Variants in OSTM1 observed in about 807,000 individuals in gnomAD.
The protein encoded by OSTM1 is osteoclastogenesis associated transmembrane protein 1, also known as osteopetrosis-associated transmembrane protein 1.
A neutral mutation model predicts 35.4 loss-of-function variants in OSTM1; 26 were observed. The observed-to-expected ratio is 0.73, with a 90% CI of 0.54 to 1.02. The LOEUF (loss-of-function observed/expected upper bound fraction) is 1.02, where lower values mean the gene tolerates loss of function less well. OSTM1 is among the 50% of genes least tolerant of loss of function. The pLI is 0.00. For missense variants in OSTM1, 366 were observed against 409.6 expected, an observed-to-expected ratio of 0.89 and a Z score of 0.92; for synonymous variants, 181 against 165.0, an observed-to-expected ratio of 1.10 and a Z score of -0.75.
intron 2 of OSTM1, 105 bp from the exon 3 acceptor site, chr6:108,054,692 T>G (rs1437255140): frequency 9.1e-6 from 5 of 547,332 alleles, no homozygotes; most frequent in Non-Finnish European, 1.6e-5. Flanking sequence ...CAGTAATTCT[T>G]TATTCAAACA....
At chr6:108,058,511 G>T (rs1416494880) in intron 2 of OSTM1, among the ~76,000 whole-genome samples, 1 of 131,314 alleles carries the variant, frequency 7.6e-6, no homozygotes, top group Admixed American at 7.8e-5. Flanking sequence ...GTTTTGGGCC[G>T]GGCGCAGTGG....
At chr6:108,062,706 T>G (rs1324791780) in intron 2 of OSTM1, among the ~76,000 whole-genome samples, 1 of 152,086 alleles carries the variant, frequency 6.6e-6, no homozygotes, top group African/African-American at 2.4e-5. Context: ...TTTTTTATTT[T>G]TTGTTGAGAC....
At chr6:108,048,073 A>G (rs188464830) in intron 5 of OSTM1, among the ~76,000 whole-genome samples, 1 of 152,048 alleles carries the variant, frequency 6.6e-6, no homozygotes, top group Admixed American at 6.5e-5. Flanking sequence ...CATGACAAAG[A>G]CTCTCCCCTC....
chr6:108,066,041 A>C (rs1327633134), intron 1 of OSTM1, among the ~76,000 whole-genome samples: 2 of 152,206 alleles, frequency 1.3e-5, no homozygotes, highest in African/African-American at 2.4e-5. Flanking sequence ...AGTGATAATG[A>C]TTATGTGGTA....
chr6:108,069,442 C>T (rs1772443544), intron 1 of OSTM1, among the ~76,000 whole-genome samples: 1 of 152,046 alleles, frequency 6.6e-6, no homozygotes, highest in Non-Finnish European at 1.5e-5. Flanking sequence ...ATACATAACC[C>T]AAATGACTAG....
Position 108,074,676 on chromosome 6 carries a change from GC to G in OSTM1, c.-26del. On this transcript the variant is annotated 5_prime_UTR_variant, in exon 1 of 6. Coordinates refer to ENST00000193322, the MANE Select transcript of OSTM1 (RefSeq NM_014028.4). ...TCACCGGGCTCACACACCCCAGGGA[GC>G]CCACCGCCGCCTCTCCGCCCCCAGC... The G allele has an allele frequency of 6.6e-7, 1 of 1,510,708 alleles. No individual in the cohort carries two copies. The allele number at this position is 1,510,708 out of a possible 1,614,324, so 93.6% of individuals were successfully genotyped here. A position where few individuals can be genotyped will look rare whatever the true frequency, so the allele number is the denominator to read the frequency against.
At chr6:108,073,840 G>C (rs962997374) in intron 1 of OSTM1, 4 of 209,582 alleles carry the variant, frequency 1.9e-5, no homozygotes, top group African/African-American at 9.3e-5. Flanking sequence ...TTAGAAGTTG[G>C]TGGACATGAA....
rs1771905047 is a variant in OSTM1 at position 108,043,370 on chromosome 6, C to A, written c.*1415G>T. The A allele has an allele frequency of 1.3e-5, 2 of 152,070 alleles. No homozygotes were observed. Among genetic ancestry groups the A allele is most frequent in the South Asian group, 4.1e-4 (2 of 4,820 alleles). 9.4% of individuals were successfully genotyped at this position (152,070 alleles called of 1,614,324 possible). Reference sequence around the variant, plus strand: ...TTTGAGTATGTTATACATCCAAGAGCCTTATATTTCACTCCACATAAACAG... The same window carrying A: ...TTTGAGTATGTTATACATCCAAGAGACTTATATTTCACTCCACATAAACAG... On this transcript the variant is annotated 3_prime_UTR_variant, in exon 6 of 6. Transcript: ENST00000193322.
intron 2 of OSTM1, among the ~76,000 whole-genome samples, chr6:108,060,515 C>T (rs998420689): frequency 3.3e-5 from 5 of 152,184 alleles, no homozygotes; most frequent in Admixed American, 2.6e-4. Flanking sequence ...TCTAGGAATC[C>T]GAGACCAGCC....
chr6:108,063,297 G>A (rs931234527), intron 2 of OSTM1, among the ~76,000 whole-genome samples: 5 of 152,184 alleles, frequency 3.3e-5, no homozygotes, highest in African/African-American at 4.8e-5. Context: ...GATTACAGGC[G>A]TGAGCCGCCT....
chr6:108,066,560 T>A (rs1180171467), intron 1 of OSTM1, among the ~76,000 whole-genome samples: 7 of 152,126 alleles, frequency 4.6e-5, no homozygotes, highest in Non-Finnish European at 2.9e-5. Flanking sequence ...CTGAGAGAAC[T>A]GGAGGTACAT....
chr6:108,069,488 G>T (rs1027154993), intron 1 of OSTM1, among the ~76,000 whole-genome samples: 1 of 151,976 alleles, frequency 6.6e-6, no homozygotes, highest in East Asian at 1.9e-4. Context: ...TAGATAGATA[G>T]AGATAGATAG....
intron 4 of OSTM1, among the ~76,000 whole-genome samples, chr6:108,050,407 A>T (rs1772056365): frequency 8.4e-6 from 1 of 118,600 alleles, no homozygotes; most frequent in African/African-American, 3.3e-5. Flanking sequence ...TCTGTCGCCC[A>T]GGCTGGAGTG....
intron 1 of OSTM1, among the ~76,000 whole-genome samples, chr6:108,065,382 GGCACA>G (rs1250200406): frequency 1.8e-4 from 28 of 151,768 alleles, no homozygotes; most frequent in African/African-American, 6.8e-4. Flanking sequence ...TGGGACTACA[GGCACA>G]TGCCACCATG....
chr6:108,067,548 T>C (rs1276423780), intron 1 of OSTM1, among the ~76,000 whole-genome samples: 1 of 149,462 alleles, frequency 6.7e-6, no homozygotes, highest in Admixed American at 6.8e-5. Context: ...TGATAGAAAG[T>C]CAGCCTGGCA....
chr6:108,049,436 A>G lies in OSTM1; in HGVS notation c.784-18T>C, dbSNP rs1344935651. The stretch of plus-strand genomic sequence containing the variant: ...ATGTTCATCTGGAACAAGAGCAAAC[A>G]ATATCTTTCTATTTTATATTTAACT... On this transcript the variant is annotated intron_variant, in intron 4 of 5. Coordinates refer to ENST00000193322, the MANE Select transcript of OSTM1 (RefSeq NM_014028.4). The G allele has an allele frequency of 6.2e-7, 1 of 1,611,334 alleles. No individual in the cohort carries two copies. The highest frequency in any genetic ancestry group is 8.5e-7 in the Non-Finnish European group (1 of 1,177,864).
chr6:108,054,605 A>G lies in OSTM1; in HGVS notation c.518-18T>C. The G allele has an allele frequency of 1.7e-6, 2 of 1,157,668 alleles. No individual in the cohort carries two copies. The highest frequency in any genetic ancestry group is 2.6e-6 in the Non-Finnish European group (2 of 769,126). The allele number at this position is 1,157,668 out of a possible 1,614,324, so 71.7% of individuals were successfully genotyped here. On this transcript the variant is annotated intron_variant, in intron 2 of 5. Transcript: ENST00000193322. Reference sequence around the variant, plus strand: ...TAAACAATCTGTCAAAAAAATTCAAAAAGTATATTAATATAACTCAAGGAA... The same window carrying G: ...TAAACAATCTGTCAAAAAAATTCAAGAAGTATATTAATATAACTCAAGGAA...
chr6:108,074,112 G>T, intron 1 of OSTM1, 138 bp downstream of exon 1: 1 of 814,810 alleles, frequency 1.2e-6, no homozygotes, highest in Non-Finnish European at 1.9e-6. Context: ...TTTTTCTGAT[G>T]ACCCAACTCT....
chr6:108,063,511 A>G (rs1772322459), intron 2 of OSTM1, among the ~76,000 whole-genome samples: 1 of 152,242 alleles, frequency 6.6e-6, no homozygotes. Flanking sequence ...TCATTAAATT[A>G]TAAGACTTGA....
Sources: gnomAD v4.1 joint callset for allele counts (sites outside exome capture counted in the v4.1 genomes callset) on GRCh38, gnomAD v4.1.1 for gene constraint, MANE v1.5 for transcripts, NCBI Gene and HGNC (gene_info 2026-07-23, HGNC 2026-07-21) for gene names.